DGKB: variants seen among roughly 807,000 people sequenced by gnomAD.
DGKB encodes the protein diacylglycerol kinase beta.
DGKB carries 67 observed loss-of-function variants against 114.3 expected under a neutral mutation model. The ratio of observed to expected loss-of-function variants is 0.59; its 90% CI spans 0.48 to 0.72. DGKB has a LOEUF of 0.72. Ranked by LOEUF, DGKB falls within the 30% of genes least tolerant of loss-of-function variation. The probability of loss-of-function intolerance (pLI) is 0.00; values close to 1 mark genes in which losing one functional copy is unlikely to be tolerated. For synonymous variants in DGKB, 398 were observed against 323.1 expected, an observed-to-expected ratio of 1.23 and a Z score of -2.49; for missense variants, 907 against 975.2, an observed-to-expected ratio of 0.93 and a Z score of 0.93.
chr7:14,719,147 T>C (rs530010296), intron 5 of DGKB, among the ~76,000 whole-genome samples: 5 of 152,334 alleles, frequency 3.3e-5, no homozygotes, highest in East Asian at 1.9e-4. Context: ...CATAAAGTCA[T>C]ATATTTGTTT....
At chr7:14,254,819 C>G (rs544394299) in intron 23 of DGKB, among the ~76,000 whole-genome samples, 2 of 152,256 alleles carry the variant, frequency 1.3e-5, no homozygotes, top group African/African-American at 2.4e-5. Context: ...TAGAACCCAT[C>G]TGAGATTTTT....
At chr7:14,488,648 T>C (rs1241038886) in intron 20 of DGKB, among the ~76,000 whole-genome samples, 2 of 121,286 alleles carry the variant, frequency 1.6e-5, no homozygotes, top group East Asian at 4.5e-4. Flanking sequence ...CCATTTCCAC[T>C]AAAAAAAAAA....
intron 23 of DGKB, among the ~76,000 whole-genome samples, chr7:14,223,940 T>TA (rs1358203597): frequency 1.3e-5 from 2 of 151,760 alleles, no homozygotes; most frequent in East Asian, 3.9e-4. Context: ...TTTCCAGGTC[T>TA]TTTTCCAGGT....
At chr7:14,433,452 C>T (rs1462750610) in intron 21 of DGKB, among the ~76,000 whole-genome samples, 1 of 151,936 alleles carries the variant, frequency 6.6e-6, no homozygotes, top group Non-Finnish European at 1.5e-5. Flanking sequence ...TACTTGCTAG[C>T]TGTGTTACTT....
intron 20 of DGKB, among the ~76,000 whole-genome samples, chr7:14,495,806 A>C (rs572864395): frequency 6.5e-4 from 98 of 151,874 alleles, no homozygotes; most frequent in African/African-American, 2.4e-3. Context: ...CCAAGACAAA[A>C]CGAAAACAAT....
At chr7:14,643,126 C>CTT (rs1812145716) in intron 13 of DGKB, among the ~76,000 whole-genome samples, 1 of 152,108 alleles carries the variant, frequency 6.6e-6, no homozygotes, top group African/African-American at 2.4e-5. Flanking sequence ...CCTTCTAAGA[C>CTT]ATGGAAACTC....
At chr7:14,802,815 A>G (rs1404158569) in intron 2 of DGKB, among the ~76,000 whole-genome samples, 1 of 152,140 alleles carries the variant, frequency 6.6e-6, no homozygotes, top group African/African-American at 2.4e-5. Flanking sequence ...CTGAAAGTAA[A>G]GTGTCTCTTC....
chr7:14,764,774 C>A (rs576851510), intron 2 of DGKB, among the ~76,000 whole-genome samples: 7 of 151,800 alleles, frequency 4.6e-5, no homozygotes, highest in African/African-American at 1.7e-4. Context: ...AAAAAAACCT[C>A]ATGAGAACAT....
intron 1 of DGKB, among the ~76,000 whole-genome samples, chr7:14,896,251 C>T (rs984354038): frequency 2.6e-5 from 4 of 151,614 alleles, no homozygotes; most frequent in Non-Finnish European, 1.5e-5. Flanking sequence ...GAATGAAAGA[C>T]CTTTCCTCAT....
In DGKB at chr7:14,176,875, T is replaced by C. The variant is rs1265394044; in HGVS notation, c.2268A>G (p.Gln756=). The C allele has an allele frequency of 1.2e-6, 2 of 1,613,836 alleles. No individual in the cohort carries two copies. The highest frequency in any genetic ancestry group is 2.2e-5 in the South Asian group (2 of 91,078). The change falls in exon 25 of 26, where the codon CAA becomes CAG. Residue 756 remains glutamine (Q), a synonymous_variant. Coordinates refer to ENST00000402815, the MANE Select transcript of DGKB (RefSeq NM_001350709.2). ...VIRTSKSLPM[Q]IDGEPWMQTP... ...TCTGCATCCATGGCTCCCCATCAAT[T>C]TGCATTGGCAGAGACTTGCTCGTCC...
chr7:14,831,062 T>G (rs1846351335), intron 2 of DGKB, among the ~76,000 whole-genome samples: 2 of 151,972 alleles, frequency 1.3e-5, no homozygotes, highest in Admixed American at 6.6e-5. Flanking sequence ...CCCTTCATTC[T>G]TCCTGGATAA....
intron 20 of DGKB, among the ~76,000 whole-genome samples, chr7:14,571,144 C>T (rs1414766142): frequency 6.6e-6 from 1 of 152,052 alleles, no homozygotes; most frequent in Non-Finnish European, 1.5e-5. Flanking sequence ...TTGACCAAAG[C>T]ATATAAAAAA....
At chr7:14,171,125 T>C (rs559101636) in intron 25 of DGKB, among the ~76,000 whole-genome samples, 1 of 152,272 alleles carries the variant, frequency 6.6e-6, no homozygotes, top group Admixed American at 6.5e-5. Context: ...AAGGTAGTTG[T>C]AAGCTAAGAC....
chr7:14,834,694 GT>G, intron 2 of DGKB, among the ~76,000 whole-genome samples: 1 of 152,252 alleles, frequency 6.6e-6, no homozygotes, highest in African/African-American at 2.4e-5. Context: ...CTTCTGTTGT[GT>G]TAGCCCACTA....
chr7:14,355,672 G>A (rs965428809), intron 21 of DGKB, among the ~76,000 whole-genome samples: 3 of 152,108 alleles, frequency 2.0e-5, no homozygotes, highest in African/African-American at 7.2e-5. Context: ...TGCTGGATTT[G>A]GTTTGCCAGT....
intron 21 of DGKB, among the ~76,000 whole-genome samples, chr7:14,392,982 G>GTTTTTTTT (rs1298052301): frequency 1.1e-4 from 3 of 27,482 alleles, no homozygotes; most frequent in African/African-American, 2.7e-4. Flanking sequence ...AAACAGACCT[G>GTTTTTTTT]TTTTTTGTTT....
At chr7:14,191,899 G>A in intron 23 of DGKB, 1 of 564,658 alleles carries the variant, frequency 1.8e-6, no homozygotes, top group South Asian at 1.5e-5. Context: ...TGAAGGAAAA[G>A]ATTGATTGCC....
chr7:14,648,940 A>G (rs1813788559), intron 13 of DGKB, among the ~76,000 whole-genome samples: 1 of 108,800 alleles, frequency 9.2e-6, no homozygotes, highest in Non-Finnish European at 1.9e-5. Flanking sequence ...AGGGAAGTTT[A>G]GAGAAAAAAG....
At chr7:14,348,598 A>T (rs12699606) in intron 21 of DGKB, among the ~76,000 whole-genome samples, 46,457 of 151,768 alleles carry the variant, frequency 0.31, 9,169 homozygotes, top group Non-Finnish European at 0.45. Flanking sequence ...GACTAAAATT[A>T]AAAAAAGTAA....
Sources: gnomAD v4.1 joint callset for allele counts (sites outside exome capture counted in the v4.1 genomes callset) on GRCh38, gnomAD v4.1.1 for gene constraint, MANE v1.5 for transcripts, NCBI Gene and HGNC (gene_info 2026-07-23, HGNC 2026-07-21) for gene names.